The following SLC36A1 variants were observed in gnomAD, a reference collection of about 807,000 sequenced individuals.
SLC36A1 encodes solute carrier family 36 member 1.
SLC36A1 carries 30 observed loss-of-function variants against 47.5 expected under a neutral mutation model. The observed-to-expected ratio is 0.63, with a 90% confidence interval of 0.47 to 0.86. The LOEUF (loss-of-function observed/expected upper bound fraction) is 0.86, where lower values mean the gene tolerates loss of function less well. SLC36A1 is among the 40% of genes least tolerant of loss of function. The pLI, the probability that SLC36A1 is intolerant of heterozygous loss-of-function variation, is 0.00. For synonymous variants in SLC36A1, 255 were observed against 249.7 expected, an observed-to-expected ratio of 1.02 and a Z score of -0.20; for missense variants, 517 against 606.0, an observed-to-expected ratio of 0.85 and a Z score of 1.54.
the SLC36A1 span, among the ~76,000 whole-genome samples, chr5:151,524,368 A>G: frequency 6.6e-6 from 1 of 152,198 alleles, no homozygotes; most frequent in East Asian, 1.9e-4. Context: ...GTTAAAATCT[A>G]ATCCCCAGTG....
chr5:151,521,124 G>T, the SLC36A1 span: 2 of 707,642 alleles, frequency 2.8e-6, no homozygotes, highest in South Asian at 2.2e-5. Flanking sequence ...ATTTTGTGAG[G>T]CCACTAGCCG....
the SLC36A1 span, chr5:151,554,497 G>A: frequency 3.1e-6 from 5 of 1,614,178 alleles, no homozygotes; most frequent in Non-Finnish European, 4.2e-6. Flanking sequence ...CCTCATCCAG[G>A]TCTGAAGCCA....
the SLC36A1 span, chr5:151,545,372 G>C: frequency 6.2e-7 from 1 of 1,614,130 alleles, no homozygotes; most frequent in East Asian, 2.2e-5. Flanking sequence ...GTGACAGGAT[G>C]GATGGTAACA....
the SLC36A1 span, chr5:151,505,207 T>C: frequency 2.2e-4 from 79 of 353,414 alleles, no homozygotes; most frequent in African/African-American, 9.7e-4. Context: ...CTTGGTGAAG[T>C]TGAGCCAGCA....
the SLC36A1 span, among the ~76,000 whole-genome samples, chr5:151,345,304 G>A: frequency 1.3e-5 from 2 of 152,168 alleles, no homozygotes; most frequent in Non-Finnish European, 2.9e-5. Context: ...AAGGAGCCCG[G>A]TCTCTGGGAT....
At chr5:151,407,776 A>T in the SLC36A1 span, among the ~76,000 whole-genome samples, 1 of 152,208 alleles carries the variant, frequency 6.6e-6, no homozygotes, top group African/African-American at 2.4e-5. Context: ...CAATGAGAGA[A>T]TGAGAATGCT....
the SLC36A1 span, chr5:151,505,439 A>G: frequency 1.7e-6 from 2 of 1,172,888 alleles, no homozygotes; most frequent in Non-Finnish European, 2.4e-6. Context: ...TCAAGGGACA[A>G]CAGCCTGGGC....
At chr5:151,545,449 A>G in the SLC36A1 span, 15 of 1,614,168 alleles carry the variant, frequency 9.3e-6, no homozygotes, top group Non-Finnish European at 1.3e-5. Flanking sequence ...GGCCCGCACC[A>G]TGAGAAGCTC....
At chr5:151,495,661 C>A (rs1760317954), downstream of SLC36A1, among the ~76,000 whole-genome samples, 1 of 152,122 alleles carries the variant, frequency 6.6e-6, no homozygotes. Context: ...TTTATAGATA[C>A]CCACTCCCTT....
the SLC36A1 span, chr5:151,521,500 T>C: frequency 6.2e-7 from 1 of 1,614,176 alleles, no homozygotes; most frequent in Non-Finnish European, 8.5e-7. Context: ...GGATGCTAGC[T>C]CCTGAAACTC....
At chr5:151,355,111 T>G in the SLC36A1 span, among the ~76,000 whole-genome samples, 30,337 of 151,790 alleles carry the variant, frequency 0.2, 3,443 homozygotes, top group East Asian at 0.41. Context: ...GAAACATGAG[T>G]GAGGTGTAAT....
the SLC36A1 span, among the ~76,000 whole-genome samples, chr5:151,538,896 G>C: frequency 6.6e-6 from 1 of 151,648 alleles, no homozygotes; most frequent in African/African-American, 2.4e-5. Flanking sequence ...ATGTTGGCCA[G>C]GCTGGTCTCG....
the SLC36A1 span, among the ~76,000 whole-genome samples, chr5:151,389,288 A>G: frequency 1.2e-4 from 18 of 152,256 alleles, no homozygotes; most frequent in African/African-American, 4.3e-4. Flanking sequence ...TCTGCTAAGA[A>G]GGCTCTTTCC....
rs1759905589 is a variant in SLC36A1, at chr5:151,489,181, A to G, written c.*927A>G. ...GCACAGATTTTGCCTCCTGTTGACC[A>G]GCCTGGTTTCATACCGAAAAGACAT... is the stretch of plus-strand genomic sequence containing the variant. On this transcript the variant is annotated 3_prime_UTR_variant, in exon 11 of 11. Transcript: ENST00000243389. This position sits in a 1 kb window ranked among gnomAD's most constrained non-coding sequence, Gnocchi z 4.5. The G allele has an allele frequency of 6.6e-6, 1 of 152,324 alleles. No individual in the cohort carries two copies. Among genetic ancestry groups the G allele is most frequent in the South Asian group, 2.1e-4 (1 of 4,828 alleles). The allele number at this position is 152,324 out of a possible 1,614,324, so 9.4% of individuals were successfully genotyped here. A position where few individuals can be genotyped will look rare whatever the true frequency, so the allele number is the denominator to read the frequency against.
At chr5:151,364,587 A>G in the SLC36A1 span, among the ~76,000 whole-genome samples, 1 of 152,224 alleles carries the variant, frequency 6.6e-6, no homozygotes, top group African/African-American at 2.4e-5. Context: ...TTAGAGTTTC[A>G]ACACTCTCAC....
chr5:151,351,471 G>A, the SLC36A1 span, among the ~76,000 whole-genome samples: 1 of 152,078 alleles, frequency 6.6e-6, no homozygotes, highest in Non-Finnish European at 1.5e-5. Flanking sequence ...ACATTTTTAG[G>A]TTTCTGAACT....
the SLC36A1 span, among the ~76,000 whole-genome samples, chr5:151,422,910 C>T: frequency 6.6e-6 from 1 of 152,084 alleles, no homozygotes; most frequent in Non-Finnish European, 1.5e-5. Context: ...TCACTGCACT[C>T]CATTCTGGGC....
At chr5:151,355,876 A>G in the SLC36A1 span, among the ~76,000 whole-genome samples, 1 of 152,244 alleles carries the variant, frequency 6.6e-6, no homozygotes, top group Non-Finnish European at 1.5e-5. Flanking sequence ...ATGGTTGTAT[A>G]TGCTTGAGAA....
chr5:151,519,158 A>G, the SLC36A1 span, among the ~76,000 whole-genome samples: 1 of 152,190 alleles, frequency 6.6e-6, no homozygotes, highest in Non-Finnish European at 1.5e-5. Context: ...AGCCTGGTCA[A>G]CGTGGTGAAA....
Sources: gnomAD v4.1 joint callset for allele counts (sites outside exome capture counted in the v4.1 genomes callset) on GRCh38, gnomAD v4.1.1 for gene constraint, Gnocchi (gnomAD v3.1) non-coding constraint, MANE v1.5 for transcripts, NCBI Gene and HGNC (gene_info 2026-07-23, HGNC 2026-07-21) for gene names.